The following RBFOX1 variants were observed in gnomAD, a reference collection of about 807,000 sequenced individuals.
The protein encoded by RBFOX1 is RNA binding protein fox-1 homolog 1.
Under a neutral mutation model 57.7 loss-of-function variants are expected in RBFOX1, and 8 were observed. That is an observed-to-expected ratio of 0.14 (90% CI 0.08 to 0.25). RBFOX1 has a LOEUF of 0.25. Ranked by LOEUF, RBFOX1 falls within the 10% of genes least tolerant of loss-of-function variation. The pLI is 1.00. For synonymous variants in RBFOX1, 326 were observed against 222.4 expected, an observed-to-expected ratio of 1.47 and a Z score of -4.15; for missense variants, 611 against 548.5, an observed-to-expected ratio of 1.11 and a Z score of -1.14.
intron 3 of RBFOX1, among the ~76,000 whole-genome samples, chr16:6,747,136 G>A (rs565311793): frequency 2.0e-4 from 31 of 152,258 alleles, no homozygotes; most frequent in African/African-American, 7.2e-4. Context: ...TCGGCCAGGC[G>A]CAGTGGCTCA....
intron 2 of RBFOX1, among the ~76,000 whole-genome samples, chr16:6,587,774 A>G (rs781360606): frequency 1.1e-4 from 17 of 152,240 alleles, no homozygotes; most frequent in Non-Finnish European, 1.8e-4. Context: ...ACACACAGTG[A>G]AAACCCATAT....
chr16:5,944,076 C>T (rs1355216645), intron 4 of RBFOX1, among the ~76,000 whole-genome samples: 2 of 152,248 alleles, frequency 1.3e-5, no homozygotes, highest in Non-Finnish European at 2.9e-5. Context: ...ATTCAGCCCA[C>T]ATACATAGAG....
At position 7,006,966 on chromosome 16, in the gene RBFOX1, C is replaced by G. The variant is rs2093341408; in HGVS notation, c.-15-45091C>G. 1.3e-5 allele frequency among the ~76,000 whole-genome samples: 2 copies of G among 152,104 alleles called. 1 individual carries two copies. The highest frequency in any genetic ancestry group is 4.1e-4 in the South Asian group (2 of 4,828). On this transcript the variant is annotated intron_variant, in intron 3 of 15. Coordinates refer to ENST00000550418, the MANE Select transcript of RBFOX1 (RefSeq NM_018723.4). ...TCGTAGTCTTAGTTTTCTACCACTG[C>G]CAGAAGTACCACACATTTGGCACCT... is the stretch of plus-strand genomic sequence containing the variant.
In RBFOX1 at chr16:6,663,306, G is replaced by A. The variant is rs115303458; in HGVS notation, c.-16+8656G>A. 7.1e-3 allele frequency among the ~76,000 whole-genome samples: 1,076 copies of A among 152,304 alleles called. 17 individuals are homozygous for A. Among genetic ancestry groups the A allele is most frequent in the African/African-American group, 0.024 (1,009 of 41,564 alleles). Reference sequence around the variant, plus strand: ...AAGTATTTGTATATAGTTTGCTGCCGTGAGGAAGAAGAAAGGAGTTGATCA... The same window carrying A: ...AAGTATTTGTATATAGTTTGCTGCCATGAGGAAGAAGAAAGGAGTTGATCA... On this transcript the variant is annotated intron_variant, in intron 3 of 15. Coordinates refer to ENST00000550418, the MANE Select transcript of RBFOX1 (RefSeq NM_018723.4).
chr16:5,799,750 G>T (rs866696175), intron 3 of RBFOX1, among the ~76,000 whole-genome samples: 58 of 152,178 alleles, frequency 3.8e-4, no homozygotes, highest in African/African-American at 1.3e-3. Context: ...AACATACAAG[G>T]GGTTTTTTGG....
At chr16:6,455,199 G>C (rs1039113432) in intron 2 of RBFOX1, among the ~76,000 whole-genome samples, 2 of 151,910 alleles carry the variant, frequency 1.3e-5, no homozygotes, top group African/African-American at 4.8e-5. Flanking sequence ...GGCCTACCAG[G>C]TGTTTTTCTA....
At chr16:5,522,787 G>A (rs28600970) in intron 2 of RBFOX1, among the ~76,000 whole-genome samples, 6,690 of 152,200 alleles carry the variant, frequency 0.044, 504 homozygotes, top group African/African-American at 0.15. Context: ...GTAAGAATGC[G>A]TCACGTTTGT....
chr16:6,473,391 C>T (rs184660163), intron 2 of RBFOX1, among the ~76,000 whole-genome samples: 2 of 152,228 alleles, frequency 1.3e-5, no homozygotes, highest in Non-Finnish European at 2.9e-5. Flanking sequence ...ACAACCCTAG[C>T]ATCTTATCGA....
intron 2 of RBFOX1, among the ~76,000 whole-genome samples, chr16:6,556,501 G>C (rs570670002): frequency 2.6e-5 from 4 of 152,170 alleles, no homozygotes; most frequent in Non-Finnish European, 5.9e-5. Flanking sequence ...TTCCCAGGAA[G>C]TCCACGGCGC....
At chr16:5,330,153 G>A (rs990516420) in intron 1 of RBFOX1, among the ~76,000 whole-genome samples, 1 of 152,058 alleles carries the variant, frequency 6.6e-6, no homozygotes, top group East Asian at 1.9e-4. Flanking sequence ...AAATACCATC[G>A]CTTTCTGGGT....
At chr16:6,162,933 C>T (rs1041047481) in intron 1 of RBFOX1, among the ~76,000 whole-genome samples, 2 of 152,110 alleles carry the variant, frequency 1.3e-5, no homozygotes, top group Non-Finnish European at 2.9e-5. Context: ...GAGGTTTTGC[C>T]ATGTTGGTCA....
At chr16:5,726,476 C>T (rs540430394) in intron 3 of RBFOX1, among the ~76,000 whole-genome samples, 2 of 152,276 alleles carry the variant, frequency 1.3e-5, no homozygotes, top group Admixed American at 6.5e-5. Flanking sequence ...CTTTCTTTGT[C>T]CCGCTTTCCT....
intron 3 of RBFOX1, among the ~76,000 whole-genome samples, chr16:6,766,886 G>C (rs996434343): frequency 3.9e-5 from 6 of 152,026 alleles, no homozygotes; most frequent in African/African-American, 9.7e-5. Context: ...CAAGTAAAAA[G>C]ATACTCAGTC....
intron 1 of RBFOX1, among the ~76,000 whole-genome samples, chr16:6,062,947 T>C (rs1472301131): frequency 6.6e-6 from 1 of 152,134 alleles, no homozygotes; most frequent in Non-Finnish European, 1.5e-5. Context: ...TAAGGCACAA[T>C]TCCTTCTCCA....
At chr16:6,811,420 A>C (rs1022271614) in intron 3 of RBFOX1, among the ~76,000 whole-genome samples, 2 of 152,342 alleles carry the variant, frequency 1.3e-5, no homozygotes, top group East Asian at 3.9e-4. Context: ...TTAATGTTTC[A>C]TTGGCTATTA....
chr16:5,347,564 C>T (rs188619890), intron 1 of RBFOX1, among the ~76,000 whole-genome samples: 69 of 152,220 alleles, frequency 4.5e-4, no homozygotes, highest in African/African-American at 1.6e-3. Context: ...ACCGACTCAT[C>T]CTTCCACTCG....
chr16:6,882,804 A>G (rs530647109), intron 3 of RBFOX1, among the ~76,000 whole-genome samples: 5 of 152,110 alleles, frequency 3.3e-5, no homozygotes, highest in South Asian at 2.1e-4. Context: ...CCTGGGGGGT[A>G]TCAATTCTCT....
At chr16:6,525,436 T>C (rs1669692128) in intron 2 of RBFOX1, among the ~76,000 whole-genome samples, 1 of 152,208 alleles carries the variant, frequency 6.6e-6, no homozygotes, top group South Asian at 2.1e-4. Flanking sequence ...AGTGATGCTA[T>C]AAGGTATCTT....
intron 3 of RBFOX1, among the ~76,000 whole-genome samples, chr16:6,815,745 A>G (rs1234258445): frequency 6.6e-6 from 1 of 152,174 alleles, no homozygotes; most frequent in East Asian, 1.9e-4. Context: ...GTCCCCAGCA[A>G]AAAGTCTATA....
Sources: gnomAD v4.1 joint callset for allele counts (sites outside exome capture counted in the v4.1 genomes callset) on GRCh38, gnomAD v4.1.1 for gene constraint, MANE v1.5 for transcripts, NCBI Gene and HGNC (gene_info 2026-07-23, HGNC 2026-07-21) for gene names.